Variants in OXR1 observed in about 807,000 individuals in gnomAD.
OXR1 encodes the protein oxidation resistance 1.
OXR1 carries 41 observed loss-of-function variants against 104.6 expected under a neutral mutation model. That is an observed-to-expected ratio of 0.39 (90% confidence interval 0.31 to 0.51). The LOEUF (loss-of-function observed/expected upper bound fraction) is 0.51. Ranked by LOEUF, OXR1 falls within the 20% of genes least tolerant of loss-of-function variation. The probability of loss-of-function intolerance (pLI) is 0.77; values close to 1 mark genes in which losing one functional copy is unlikely to be tolerated. For missense variants in OXR1, 955 were observed against 1,031.9 expected, an observed-to-expected ratio of 0.93 and a Z score of 1.02; for synonymous variants, 348 against 348.4, an observed-to-expected ratio of 1.00 and a Z score of 0.01.
chr8:106,416,893 C>T (rs1279495849), intron 2 of OXR1, among the ~76,000 whole-genome samples: 1 of 151,972 alleles, frequency 6.6e-6, no homozygotes, highest in Non-Finnish European at 1.5e-5. Context: ...TTCAAAATAA[C>T]TTTTTTGCAG....
Position 106,604,339 on chromosome 8 carries a change from A to C in OXR1, c.221-74871A>C, listed in dbSNP as rs554734956. Among the ~76,000 whole-genome samples, 31 of 152,264 alleles carry C rather than the reference A, an allele frequency of 2.0e-4. No individual in the cohort carries two copies. In the South Asian group the frequency reaches 6.4e-3, roughly 32 times the overall value. On this transcript the variant is annotated intron_variant, in intron 3 of 16. Transcript: ENST00000517566. The stretch of plus-strand genomic sequence containing the variant: ...GTCAGGGGTCTTGGCTTTCACAGGG[A>C]AAGACAGGATTTCACCATGTTGTCC...
chr8:106,713,695 T>C, intron 10 of OXR1, 128 bp from the exon 11 acceptor site: 1 of 520,124 alleles, frequency 1.9e-6, no homozygotes, highest in Non-Finnish European at 3.3e-6. Flanking sequence ...CCTTTTATAT[T>C]AATATAAAAC....
intron 3 of OXR1, among the ~76,000 whole-genome samples, chr8:106,592,172 C>T (rs1819151347): frequency 6.6e-6 from 1 of 152,128 alleles, no homozygotes; most frequent in South Asian, 2.1e-4. Flanking sequence ...TAAAAGTCAA[C>T]AAACTACTGT....
At chr8:106,641,308 C>T (rs1266503313) in intron 3 of OXR1, among the ~76,000 whole-genome samples, 1 of 152,106 alleles carries the variant, frequency 6.6e-6, no homozygotes, top group African/African-American at 2.4e-5. Context: ...TGAGTGAAAA[C>T]GTGGGGCTGA....
intron 2 of OXR1, chr8:106,448,035 A>C (rs1282575001): frequency 6.5e-7 from 1 of 1,535,734 alleles, no homozygotes. Context: ...GACGAAGGAC[A>C]AAAACAGCCC....
chr8:106,396,331 G>A (rs559375376), intron 2 of OXR1, among the ~76,000 whole-genome samples: 7 of 151,974 alleles, frequency 4.6e-5, no homozygotes, highest in Non-Finnish European at 8.8e-5. Context: ...AGTGATCAAA[G>A]TTAACGTTGC....
At chr8:106,656,071 A>G (rs1825042295) in intron 3 of OXR1, 1 of 152,178 alleles carries the variant, frequency 6.6e-6, no homozygotes, top group Non-Finnish European at 1.5e-5. Flanking sequence ...TATTAATGAG[A>G]ATTAGACTAA....
chr8:106,377,511 A>G (rs1816956608), intron 2 of OXR1, among the ~76,000 whole-genome samples: 2 of 152,186 alleles, frequency 1.3e-5, no homozygotes, highest in Admixed American at 1.3e-4. Flanking sequence ...GAGTATAATT[A>G]TATTTGACGC....
At chr8:106,280,675 T>C (rs913817121) in intron 1 of OXR1, among the ~76,000 whole-genome samples, 1 of 151,990 alleles carries the variant, frequency 6.6e-6, no homozygotes, top group African/African-American at 2.4e-5. Context: ...TGCACAACGG[T>C]TTGAAGGTAC....
chr8:106,550,357 A>G (rs1467255667), intron 3 of OXR1, among the ~76,000 whole-genome samples: 1 of 152,230 alleles, frequency 6.6e-6, no homozygotes, highest in Admixed American at 6.5e-5. Flanking sequence ...CAATTGACTC[A>G]TAGTTTTGCA....
Position 106,472,955 on chromosome 8 carries a change from C to T in OXR1, c.24-45988C>T, listed in dbSNP as rs117880316. ...GTAAGCCATGTTGCAAACTTCCTAACCAGTTTCTCCATCATTCTTTTTTTC... is the reference window on the plus strand; with the variant it reads ...GTAAGCCATGTTGCAAACTTCCTAATCAGTTTCTCCATCATTCTTTTTTTC... On this transcript the variant is annotated intron_variant, in intron 2 of 16. Coordinates refer to ENST00000517566, the MANE Select transcript of OXR1 (RefSeq NM_001198533.2). Among the ~76,000 whole-genome samples, 818 of 151,944 alleles carry T rather than the reference C, an allele frequency of 5.4e-3. 7 individuals are homozygous for T. The highest frequency in any genetic ancestry group is 8.4e-3 in the Non-Finnish European group (571 of 67,874).
intron 3 of OXR1, among the ~76,000 whole-genome samples, chr8:106,524,551 C>A (rs541420442): frequency 1.3e-5 from 2 of 152,298 alleles, no homozygotes; most frequent in South Asian, 4.1e-4. Flanking sequence ...CAGAATCACT[C>A]AGTGACACAC....
chr8:106,704,359 TTTTC>T (rs1395780104), intron 8 of OXR1, among the ~76,000 whole-genome samples: 4 of 150,140 alleles, frequency 2.7e-5, no homozygotes, highest in Admixed American at 6.6e-5. Flanking sequence ...GTTGTCCTCC[TTTTC>T]TTTCTTTTTC....
intron 1 of OXR1, among the ~76,000 whole-genome samples, chr8:106,336,012 C>T (rs1197148748): frequency 6.6e-6 from 1 of 152,172 alleles, no homozygotes; most frequent in Non-Finnish European, 1.5e-5. Flanking sequence ...AGGAGAATCA[C>T]CTGAACCCCG....
chr8:106,707,233 A>C, intron 9 of OXR1, 88 bp downstream of exon 9: 4 of 1,148,164 alleles, frequency 3.5e-6, no homozygotes, highest in Non-Finnish European at 5.2e-6. Context: ...GCTGTACCTT[A>C]GGGCAACCTG....
intron 2 of OXR1, among the ~76,000 whole-genome samples, chr8:106,409,563 A>T (rs751648382): frequency 6.6e-6 from 1 of 152,218 alleles, no homozygotes; most frequent in Admixed American, 6.5e-5. Context: ...TGTAAAAAAT[A>T]ATGAACAAAA....
intron 3 of OXR1, among the ~76,000 whole-genome samples, chr8:106,658,972 C>T (rs934022094): frequency 6.6e-6 from 1 of 152,112 alleles, no homozygotes; most frequent in Non-Finnish European, 1.5e-5. Context: ...GACATCCTAG[C>T]CATGTCTGAT....
intron 2 of OXR1, among the ~76,000 whole-genome samples, chr8:106,396,350 C>A (rs139614381): frequency 6.6e-6 from 1 of 151,928 alleles, no homozygotes; most frequent in South Asian, 2.1e-4. Flanking sequence ...GCTGGTGATA[C>A]GGGACATCCA....
intron 2 of OXR1, among the ~76,000 whole-genome samples, chr8:106,363,080 T>C (rs16874438): frequency 0.047 from 7,194 of 152,278 alleles, 558 homozygotes; most frequent in African/African-American, 0.16. Context: ...TAGTAATTCT[T>C]CTAGAGCCAT....
Sources: gnomAD v4.1 joint callset for allele counts (sites outside exome capture counted in the v4.1 genomes callset) on GRCh38, gnomAD v4.1.1 for gene constraint, MANE v1.5 for transcripts, NCBI Gene and HGNC (gene_info 2026-07-23, HGNC 2026-07-21) for gene names.